The following KCNB2 variants were observed in gnomAD, a reference collection of about 807,000 sequenced individuals.
KCNB2 encodes delayed rectifier potassium channel protein.
A neutral mutation model predicts 61.5 loss-of-function variants in KCNB2; 15 were observed. The ratio of observed to expected loss-of-function variants is 0.24; its 90% CI spans 0.16 to 0.38. The LOEUF (loss-of-function observed/expected upper bound fraction) is 0.38, where lower values mean the gene tolerates loss of function less well. Among genes scored for constraint, KCNB2 ranks in the 10% least tolerant of loss-of-function variants. The pLI, the probability that KCNB2 is intolerant of heterozygous loss-of-function variation, is 1.00. For missense variants in KCNB2, 828 were observed against 1,125.2 expected (o/e 0.74, Z 3.78); for synonymous variants, 457 against 446.0 (o/e 1.02, Z -0.31).
intron 2 of KCNB2, among the ~76,000 whole-genome samples, chr8:72,606,786 G>C (rs1805458577): frequency 6.6e-6 from 1 of 152,182 alleles, no homozygotes; most frequent in South Asian, 2.1e-4. Flanking sequence ...TGAGCACCAG[G>C]AGATGAGGTC....
intron 2 of KCNB2, among the ~76,000 whole-genome samples, chr8:72,812,478 T>G (rs1809323432): frequency 6.6e-6 from 1 of 152,144 alleles, no homozygotes; most frequent in South Asian, 2.1e-4. Context: ...CTCCAGTAAT[T>G]TTGATGCCAG....
chr8:72,768,412 TG>T (rs1006310303), intron 2 of KCNB2, among the ~76,000 whole-genome samples: 32 of 152,250 alleles, frequency 2.1e-4, no homozygotes, highest in African/African-American at 6.7e-4. Context: ...TGACCTCAAG[TG>T]ATCTGCCCAC....
chr8:72,793,798 C>G (rs1310173193), intron 2 of KCNB2, among the ~76,000 whole-genome samples: 2 of 152,214 alleles, frequency 1.3e-5, no homozygotes, highest in Non-Finnish European at 2.9e-5. Context: ...ACTGCATGAA[C>G]TAATCCATGT....
intron 2 of KCNB2, among the ~76,000 whole-genome samples, chr8:72,805,980 A>G (rs1206480882): frequency 6.6e-6 from 1 of 152,164 alleles, no homozygotes; most frequent in Non-Finnish European, 1.5e-5. Flanking sequence ...CACAACTTCT[A>G]CAGCTTCAAT....
In KCNB2 at chr8:72,926,328, G is replaced by A. The variant is rs180786415; in HGVS notation, c.580-9607G>A. Among the ~76,000 whole-genome samples, 290 of 152,136 alleles carry A rather than the reference G, an allele frequency of 1.9e-3. 1 individual carries two copies. The highest frequency in any genetic ancestry group is 0.011 in the East Asian group (55 of 5,176). The stretch of plus-strand genomic sequence containing the variant: ...CTTATTAGAATACTCTTTAACATGA[G>A]GAAATATTTTTTCCAGAACACATAA... On this transcript the variant is annotated intron_variant, in intron 2 of 2. Transcript: ENST00000523207.
At chr8:72,540,842 C>T (rs349357) in intron 1 of KCNB2, among the ~76,000 whole-genome samples, 14,826 of 151,858 alleles carry the variant, frequency 0.098, 817 homozygotes, top group East Asian at 0.26. Context: ...ACTATCTTTG[C>T]TATCTGATTT....
intron 2 of KCNB2, among the ~76,000 whole-genome samples, chr8:72,709,244 A>G (rs2128991681): frequency 6.6e-6 from 1 of 152,348 alleles, no homozygotes; most frequent in Non-Finnish European, 1.5e-5. Flanking sequence ...AGCTGTCTCT[A>G]TCACTTTCTC....
chr8:72,827,335 G>A (rs1585915877), intron 2 of KCNB2, among the ~76,000 whole-genome samples: 2 of 151,964 alleles, frequency 1.3e-5, no homozygotes, highest in South Asian at 4.2e-4. Flanking sequence ...GATGTGTGAG[G>A]GAAACCAAAT....
At chr8:72,539,690 C>CTCTTT (rs1377236105) in intron 1 of KCNB2, among the ~76,000 whole-genome samples, 3 of 152,162 alleles carry the variant, frequency 2.0e-5, no homozygotes, top group Non-Finnish European at 4.4e-5. Flanking sequence ...TCTATTGCCT[C>CTCTTT]TCTTTTCTTT....
At chr8:72,843,099 T>C (rs903777682) in intron 2 of KCNB2, among the ~76,000 whole-genome samples, 1 of 152,222 alleles carries the variant, frequency 6.6e-6, no homozygotes. Flanking sequence ...CTCTAAACAC[T>C]GCTTTAGCTG....
rs568755139 is a variant in KCNB2 at position 72,574,609 on chromosome 8, G to T, written c.579+6296G>T. Among the ~76,000 whole-genome samples, 9 of 152,206 alleles carry T rather than the reference G, an allele frequency of 5.9e-5. No homozygotes were observed. The South Asian group carries it at 1.9e-3, about 32-fold the overall frequency. On this transcript the variant is annotated intron_variant, in intron 2 of 2. Coordinates refer to ENST00000523207, the MANE Select transcript of KCNB2 (RefSeq NM_004770.3). Reference sequence around the variant, plus strand: ...TCCAAGCAGTTTTTCCATCTCTTTAGAAAAATCATTAGTTTTCATTAATAT... The same window carrying T: ...TCCAAGCAGTTTTTCCATCTCTTTATAAAAATCATTAGTTTTCATTAATAT...
intron 2 of KCNB2, among the ~76,000 whole-genome samples, chr8:72,621,462 T>C (rs929511924): frequency 6.6e-6 from 1 of 152,226 alleles, no homozygotes; most frequent in African/African-American, 2.4e-5. Context: ...AGTTGGTTTG[T>C]TTTGTCTTTT....
chr8:72,920,453 C>CTATATATATATATATATATATATA, intron 2 of KCNB2, among the ~76,000 whole-genome samples: 2 of 43,112 alleles, frequency 4.6e-5, no homozygotes, highest in Non-Finnish European at 1.1e-4. Context: ...ATCTATCTAT[C>CTATATATATATATATATATATATA]TATCTATCTA....
intron 2 of KCNB2, among the ~76,000 whole-genome samples, chr8:72,915,913 C>T (rs879451238): frequency 1.3e-5 from 2 of 151,986 alleles, no homozygotes; most frequent in Admixed American, 6.6e-5. Flanking sequence ...AGTAAGAATC[C>T]GTCTCAAAAA....
At chr8:72,556,815 A>G (rs1196571486) in intron 1 of KCNB2, among the ~76,000 whole-genome samples, 2 of 152,162 alleles carry the variant, frequency 1.3e-5, no homozygotes, top group Non-Finnish European at 2.9e-5. Flanking sequence ...ATGGTATGGT[A>G]TCTTAGTCCT....
intron 2 of KCNB2, among the ~76,000 whole-genome samples, chr8:72,642,340 C>T (rs987616971): frequency 1.4e-4 from 21 of 151,944 alleles, no homozygotes; most frequent in Admixed American, 1.4e-3. Flanking sequence ...TTTGTTTTTA[C>T]TTTTTAAAAA....
intron 2 of KCNB2, among the ~76,000 whole-genome samples, chr8:72,930,011 C>T (rs1806744857): frequency 7.1e-6 from 1 of 141,258 alleles, no homozygotes; most frequent in African/African-American, 2.6e-5. Flanking sequence ...CCTGTGTTCT[C>T]ATTGTTCAAT....
At position 72,844,898 on chromosome 8, in the gene KCNB2, A is replaced by C. The variant is rs570602367; in HGVS notation, c.580-91037A>C. Among the ~76,000 whole-genome samples the C allele has an allele frequency of 7.2e-5, 11 of 152,292 alleles. No homozygotes were observed. The East Asian group carries it at 1.7e-3, about 24-fold the overall frequency. On this transcript the variant is annotated intron_variant, in intron 2 of 2. Coordinates refer to ENST00000523207, the MANE Select transcript of KCNB2 (RefSeq NM_004770.3). ...GAGTTAGAACATGCTCCTTTAGCTC[A>C]GAGGAGTTTGTTATTACCCACCTTC... is the stretch of plus-strand genomic sequence containing the variant.
chr8:72,922,644 C>T (rs1426581522), intron 2 of KCNB2, among the ~76,000 whole-genome samples: 1 of 152,114 alleles, frequency 6.6e-6, no homozygotes, highest in East Asian at 1.9e-4. Flanking sequence ...AGTGTAGACC[C>T]TCTCTGTCTC....
Sources: gnomAD v4.1 joint callset for allele counts (sites outside exome capture counted in the v4.1 genomes callset) on GRCh38, gnomAD v4.1.1 for gene constraint, MANE v1.5 for transcripts, NCBI Gene and HGNC (gene_info 2026-07-23, HGNC 2026-07-21) for gene names.